The following KAZN variants were observed in gnomAD, a reference collection of about 807,000 sequenced individuals.
KAZN encodes kazrin, periplakin interacting protein.
In KAZN, 40 loss-of-function variants were observed where a neutral mutation model predicts 87.4. The ratio of observed to expected loss-of-function variants is 0.46; its 90% CI spans 0.36 to 0.60. The LOEUF is 0.60. KAZN is among the 20% of genes least tolerant of loss of function. KAZN has a pLI of 0.00. For missense variants in KAZN, 898 were observed against 1,073.9 expected (o/e 0.84, Z 2.29); for synonymous variants, 466 against 458.3 (o/e 1.02, Z -0.22).
intron 2 of KAZN, among the ~76,000 whole-genome samples, chr1:14,965,196 T>C (rs534818781): frequency 1.3e-5 from 2 of 152,166 alleles, no homozygotes; most frequent in Admixed American, 1.3e-4. Context: ...TTTTTGTATT[T>C]TTTTGTAGAG....
intron 1 of KAZN, among the ~76,000 whole-genome samples, chr1:14,716,244 A>C (rs1421947514): frequency 6.6e-6 from 1 of 152,182 alleles, no homozygotes; most frequent in African/African-American, 2.4e-5. Context: ...TGTTTGCAAA[A>C]TAAGTGTGTA....
chr1:14,960,605 C>T (rs1663722720), intron 1 of KAZN, 79 bp from the exon 2 acceptor site: 2 of 1,464,574 alleles, frequency 1.4e-6, no homozygotes, highest in South Asian at 2.6e-5. Context: ...AAGCCAAAGC[C>T]ACCTCAAACC....
intron 2 of KAZN, among the ~76,000 whole-genome samples, chr1:14,455,975 C>T (rs991852280): frequency 6.6e-6 from 1 of 152,194 alleles, no homozygotes; most frequent in African/African-American, 2.4e-5. Flanking sequence ...GCTATCTCAA[C>T]AGACCAAAAT....
chr1:14,749,381 A>G (rs1442081961), intron 1 of KAZN, among the ~76,000 whole-genome samples: 2 of 152,262 alleles, frequency 1.3e-5, no homozygotes, highest in Non-Finnish European at 2.9e-5. Flanking sequence ...TGCATCAGTT[A>G]TAGCCACCGA....
At chr1:15,013,994 G>T (rs1557716818) in intron 2 of KAZN, among the ~76,000 whole-genome samples, 1 of 152,144 alleles carries the variant, frequency 6.6e-6, no homozygotes, top group East Asian at 1.9e-4. Flanking sequence ...ACTCAGGAAG[G>T]ATGCTTAAGT....
intron 2 of KAZN, among the ~76,000 whole-genome samples, chr1:14,194,836 G>T (rs576263645): frequency 6.6e-6 from 1 of 152,128 alleles, no homozygotes; most frequent in Non-Finnish European, 1.5e-5. Context: ...GGAGTAGTTT[G>T]TATAATTTGG....
At chr1:13,925,300 T>C (rs1201634104) in intron 1 of KAZN, among the ~76,000 whole-genome samples, 1 of 152,256 alleles carries the variant, frequency 6.6e-6, no homozygotes, top group Non-Finnish European at 1.5e-5. Flanking sequence ...TAGTTCTTTA[T>C]ACTTTGCCAT....
intron 1 of KAZN, among the ~76,000 whole-genome samples, chr1:13,975,793 G>A (rs1313783965): frequency 6.6e-6 from 1 of 152,232 alleles, no homozygotes; most frequent in Non-Finnish European, 1.5e-5. Context: ...GATGGGGTCA[G>A]TCAAGGCTTG....
chr1:14,136,376 C>T (rs1051396370), intron 1 of KAZN, among the ~76,000 whole-genome samples: 1 of 152,130 alleles, frequency 6.6e-6, no homozygotes, highest in African/African-American at 2.4e-5. Context: ...CACAGAGTGT[C>T]AGGGAACTAA....
At chr1:15,012,842 A>C (rs1344317916) in intron 2 of KAZN, among the ~76,000 whole-genome samples, 1 of 152,150 alleles carries the variant, frequency 6.6e-6, no homozygotes, top group African/African-American at 2.4e-5. Flanking sequence ...GAATCACTTG[A>C]ACTGGGGAGG....
At chr1:14,987,304 C>T (rs1162013575) in intron 2 of KAZN, among the ~76,000 whole-genome samples, 1 of 152,078 alleles carries the variant, frequency 6.6e-6, no homozygotes, top group Non-Finnish European at 1.5e-5. Flanking sequence ...ACCAGCCTGG[C>T]CAACATGGTG....
intron 1 of KAZN, among the ~76,000 whole-genome samples, chr1:13,928,570 C>T (rs1640372151): frequency 6.6e-6 from 1 of 152,126 alleles, no homozygotes; most frequent in Non-Finnish European, 1.5e-5. Context: ...AGTTTAGAAA[C>T]TCACTATTCC....
chr1:15,006,037 C>A (rs1192017823), intron 2 of KAZN, among the ~76,000 whole-genome samples: 3 of 152,124 alleles, frequency 2.0e-5, no homozygotes, highest in African/African-American at 7.2e-5. Context: ...AGCCTTGAAC[C>A]CTGGGACTGT....
chr1:14,152,018 TA>T (rs1312215965), intron 1 of KAZN, among the ~76,000 whole-genome samples: 1 of 152,232 alleles, frequency 6.6e-6, no homozygotes, highest in African/African-American at 2.4e-5. Context: ...GCAGTACTTT[TA>T]AAAAATATTT....
At chr1:14,620,429 A>G (rs1304429742) in intron 1 of KAZN, among the ~76,000 whole-genome samples, 8 of 152,218 alleles carry the variant, frequency 5.3e-5, no homozygotes, top group Non-Finnish European at 1.5e-5. Flanking sequence ...CGTTGTTATT[A>G]TTGATGCAAC....
intron 2 of KAZN, among the ~76,000 whole-genome samples, chr1:14,564,342 T>A (rs1571943397): frequency 6.6e-6 from 1 of 152,236 alleles, no homozygotes; most frequent in South Asian, 2.1e-4. Context: ...CCTAACATAG[T>A]GCCTGGAGAC....
intron 1 of KAZN, among the ~76,000 whole-genome samples, chr1:14,662,203 C>T (rs766053857): frequency 6.6e-6 from 1 of 152,218 alleles, no homozygotes; most frequent in Admixed American, 6.5e-5. Context: ...CTTTAGCCAG[C>T]GGCCGGCAGG....
intron 2 of KAZN, among the ~76,000 whole-genome samples, chr1:14,459,260 C>CGTGT (rs969777643): frequency 0.011 from 1,353 of 118,094 alleles, 18 homozygotes; most frequent in African/African-American, 0.038. Flanking sequence ...TGTGTGTGCG[C>CGTGT]GTGTGTGTGT....
intron 2 of KAZN, among the ~76,000 whole-genome samples, chr1:14,564,049 A>G (rs1198182195): frequency 6.6e-6 from 1 of 151,546 alleles, no homozygotes; most frequent in Non-Finnish European, 1.5e-5. Context: ...TTTGTATTTT[A>G]GTAGAGACAG....
Sources: gnomAD v4.1 joint callset for allele counts (sites outside exome capture counted in the v4.1 genomes callset) on GRCh38, gnomAD v4.1.1 for gene constraint, MANE v1.5 for transcripts, NCBI Gene and HGNC (gene_info 2026-07-23, HGNC 2026-07-21) for gene names.